The following CCDC169 variants were observed in gnomAD, a reference collection of about 807,000 sequenced individuals.
CCDC169 encodes coiled-coil domain-containing protein 169.
CCDC169 carries 30 observed loss-of-function variants against 36.0 expected under a neutral mutation model. The observed-to-expected ratio is 0.83, with a 90% confidence interval of 0.62 to 1.13. CCDC169 has a LOEUF of 1.13. Among genes scored for constraint, CCDC169 ranks in the 50% most tolerant of loss-of-function variants. CCDC169 has a pLI of 0.00. For synonymous variants in CCDC169, 85 were observed against 81.5 expected (o/e 1.04, Z -0.23); for missense variants, 245 against 245.9 (o/e 1.00, Z 0.03).
intron 7 of CCDC169, among the ~76,000 whole-genome samples, chr13:36,236,126 T>C (rs1033174147): frequency 1.3e-5 from 2 of 151,992 alleles, no homozygotes; most frequent in Admixed American, 1.3e-4. Context: ...ACACCAGCTA[T>C]ATTTTGTGAA....
intron 7 of CCDC169, among the ~76,000 whole-genome samples, chr13:36,238,925 T>C (rs1314264119): frequency 2.0e-5 from 3 of 151,976 alleles, no homozygotes; most frequent in African/African-American, 7.3e-5. Context: ...AAAGAACATA[T>C]ATTAATAAAA....
intron 2 of CCDC169, among the ~76,000 whole-genome samples, chr13:36,284,158 A>T (rs1439581306): frequency 6.6e-6 from 1 of 151,898 alleles, no homozygotes; most frequent in Non-Finnish European, 1.5e-5. Flanking sequence ...ACATATTTAT[A>T]TATTTATACA....
chr13:36,286,910 C>A (rs1013759096), intron 2 of CCDC169, among the ~76,000 whole-genome samples: 1 of 152,148 alleles, frequency 6.6e-6, no homozygotes, highest in African/African-American at 2.4e-5. Context: ...CCCATAAAAC[C>A]TGACCTCCTT....
At chr13:36,228,524 C>T (rs1593979288), downstream of CCDC169, among the ~76,000 whole-genome samples, 1 of 152,098 alleles carries the variant, frequency 6.6e-6, no homozygotes, top group East Asian at 1.9e-4. Flanking sequence ...CCTAAACTGT[C>T]ATTTTTGCTG....
At chr13:36,294,527 C>T (rs1879251251) in intron 2 of CCDC169, among the ~76,000 whole-genome samples, 1 of 152,132 alleles carries the variant, frequency 6.6e-6, no homozygotes, top group African/African-American at 2.4e-5. Context: ...TCCCATATGG[C>T]CACTATTCCT....
At chr13:36,243,715 A>T (rs1266489516) in intron 7 of CCDC169, among the ~76,000 whole-genome samples, 1 of 152,184 alleles carries the variant, frequency 6.6e-6, no homozygotes, top group Non-Finnish European at 1.5e-5. Flanking sequence ...CTGAGACAGG[A>T]GAATCACTTG....
chr13:36,249,051 C>A (rs1220966766), intron 6 of CCDC169, among the ~76,000 whole-genome samples: 1 of 152,122 alleles, frequency 6.6e-6, no homozygotes, highest in Non-Finnish European at 1.5e-5. Flanking sequence ...TATTTTGAGG[C>A]AGAAATAGAA....
downstream of CCDC169, chr13:36,225,525 T>C (rs971553268): frequency 2.0e-5 from 3 of 152,196 alleles, no homozygotes; most frequent in African/African-American, 7.2e-5. Flanking sequence ...CCATTCTGGA[T>C]GTCGGCCTTG....
At chr13:36,230,711 A>T (rs9315396), downstream of CCDC169, 443,960 of 948,450 alleles carry the variant, frequency 0.47, 105,917 homozygotes, top group Non-Finnish European at 0.49. Flanking sequence ...AGTTTATTTA[A>T]GATTGAAGGT....
chr13:36,288,884 T>C (rs1046869418), intron 2 of CCDC169, among the ~76,000 whole-genome samples: 19 of 152,106 alleles, frequency 1.2e-4, no homozygotes, highest in African/African-American at 4.3e-4. Context: ...AGATTTTATA[T>C]AGTAAATTCT....
chr13:36,236,538 A>T (rs1576230), intron 7 of CCDC169, among the ~76,000 whole-genome samples: 59,663 of 151,804 alleles, frequency 0.39, 12,798 homozygotes, highest in Non-Finnish European at 0.48. Context: ...TAAAACTCTT[A>T]GAAGAAAACA....
At chr13:36,234,168 A>T (rs1156513293) in intron 7 of CCDC169, among the ~76,000 whole-genome samples, 1 of 152,136 alleles carries the variant, frequency 6.6e-6, no homozygotes, top group Admixed American at 6.5e-5. Context: ...AAGTTTCTAT[A>T]ACTCATTGGG....
chr13:36,265,913 G>A (rs927156686), intron 4 of CCDC169, among the ~76,000 whole-genome samples: 22 of 152,158 alleles, frequency 1.4e-4, no homozygotes, highest in African/African-American at 5.1e-4. Flanking sequence ...AGGAATCAAC[G>A]TTAACTCAGA....
intron 4 of CCDC169, chr13:36,283,130 T>C: frequency 4.0e-6 from 1 of 249,150 alleles, no homozygotes; most frequent in Non-Finnish European, 7.6e-6. Flanking sequence ...CATGTCTGGG[T>C]TGAAAGTAAC....
downstream of CCDC169, chr13:36,227,245 C>T (rs1439454687): frequency 1.3e-6 from 2 of 1,550,868 alleles, no homozygotes; most frequent in Admixed American, 3.9e-5. Context: ...GTTGAGGACC[C>T]ATGTAAGCAG....
At chr13:36,225,990 G>T (rs1869855065), downstream of CCDC169, 1 of 152,116 alleles carries the variant, frequency 6.6e-6, no homozygotes, top group Admixed American at 6.5e-5. Context: ...ACTGTTGGTG[G>T]GAATGTGAAT....
chr13:36,230,894 C>A lies in CCDC169; in HGVS notation c.*299G>T, dbSNP rs1322134217. On this transcript the variant is annotated 3_prime_UTR_variant, in exon 8 of 8. Coordinates refer to ENST00000239859, the MANE Select transcript of CCDC169 (RefSeq NM_001144981.3). ...AACTAGAAACCAAATAGAATAGCAA[C>A]GTTACTATCAGAGCAGATCATGGGT... The A allele has an allele frequency of 9.7e-7, 1 of 1,035,934 alleles. No individual in the cohort carries two copies. The highest frequency in any genetic ancestry group is 1.2e-6 in the Non-Finnish European group (1 of 863,904). 64.2% of individuals were successfully genotyped at this position (1,035,934 alleles called of 1,614,324 possible). A position where few individuals can be genotyped will look rare whatever the true frequency, so the allele number is the denominator to read the frequency against.
At chr13:36,229,719 T>C (rs1354356400), downstream of CCDC169, among the ~76,000 whole-genome samples, 2 of 151,970 alleles carry the variant, frequency 1.3e-5, no homozygotes, top group Non-Finnish European at 1.5e-5. Context: ...ATTTTTTGTA[T>C]TTTTAGTAGA....
At chr13:36,297,177 A>T (rs1277932012) in intron 1 of CCDC169, among the ~76,000 whole-genome samples, 1 of 152,204 alleles carries the variant, frequency 6.6e-6, no homozygotes, top group Non-Finnish European at 1.5e-5. Context: ...TTTAACACGA[A>T]GTACGAATAC....
Sources: allele counts gnomAD v4.1 joint callset (sites outside exome capture counted in the v4.1 genomes callset), GRCh38; gene constraint gnomAD v4.1.1; transcripts MANE v1.5; gene names NCBI Gene and HGNC (gene_info 2026-07-23, HGNC 2026-07-21).